TM2D2: variants seen among roughly 807,000 people sequenced by gnomAD.
The protein encoded by TM2D2 is TM2 domain-containing protein 2.
Under a neutral mutation model 23.0 loss-of-function variants are expected in TM2D2, and 19 were observed. The ratio of observed to expected loss-of-function variants is 0.82; its 90% CI spans 0.58 to 1.21. The LOEUF (loss-of-function observed/expected upper bound fraction) is 1.21, where lower values mean the gene tolerates loss of function less well. TM2D2 is among the 50% of genes most tolerant of loss of function. The pLI, the probability that TM2D2 is intolerant of heterozygous loss-of-function variation, is 0.00. For missense variants in TM2D2, 246 were observed against 265.4 expected (o/e 0.93, Z 0.51); for synonymous variants, 120 against 108.8 (o/e 1.10, Z -0.64).
chr8:38,991,547 TA>T lies in TM2D2; in HGVS notation c.432-3del. 6.2e-7 allele frequency: 1 copy of T among 1,604,074 alleles called. No individual in the cohort carries two copies. Among genetic ancestry groups the T allele is most frequent in the South Asian group, 1.1e-5 (1 of 90,828 alleles). On this transcript the variant is annotated splice_region_variant and splice_polypyrimidine_tract_variant and intron_variant, in intron 3 of 3. Coordinates refer to ENST00000456397, the MANE Select transcript of TM2D2 (RefSeq NM_078473.3). ...GTTATGAAGTAGTGTCCGGTATACC[TA>T]GGTGAAAGGAATGAAAAGGAAGATG...
In TM2D2 at chr8:38,991,119, C is replaced by T. The variant is rs1056536325; in HGVS notation, c.*213G>A. 1.0e-5 allele frequency: 6 copies of T among 589,930 alleles called. No homozygotes were observed. In the African/African-American group the frequency reaches 1.1e-4, roughly 11 times the overall value. 36.5% of individuals were successfully genotyped at this position (589,930 alleles called of 1,614,324 possible). A position where few individuals can be genotyped will look rare whatever the true frequency, so the allele number is the denominator to read the frequency against. On this transcript the variant is annotated 3_prime_UTR_variant, in exon 4 of 4. Transcript: ENST00000456397. The stretch of plus-strand genomic sequence containing the variant: ...CATGAGGAAAGGAACAAATTTGATT[C>T]CCCACAACACTTTTTGCTTGTCATT...
upstream of TM2D2, chr8:38,996,773 A>C: frequency 7.1e-7 from 1 of 1,417,230 alleles, no homozygotes; most frequent in East Asian, 2.6e-5. Context: ...GGCGGGGCGG[A>C]TATGACTGGC....
At chr8:38,996,847 T>G, upstream of TM2D2, 2 of 1,449,256 alleles carry the variant, frequency 1.4e-6, no homozygotes, top group Non-Finnish European at 1.8e-6. Context: ...GGGGACTGGA[T>G]TTTTCCCTAC....
chr8:38,991,256 G>A lies in TM2D2; in HGVS notation c.*76C>T, dbSNP rs1835589513. On this transcript the variant is annotated 3_prime_UTR_variant, in exon 4 of 4. Coordinates refer to ENST00000456397, the MANE Select transcript of TM2D2 (RefSeq NM_078473.3). ...TAACATCAGGTCTGATATCAAAGAG[G>A]AGTTTTGAGCCTGTAGAGATGAATT... 1.7e-6 allele frequency: 2 copies of A among 1,196,106 alleles called. No individual in the cohort carries two copies. Among genetic ancestry groups the A allele is most frequent in the Admixed American group, 2.1e-5 (1 of 48,730 alleles). 74.1% of individuals were successfully genotyped at this position (1,196,106 alleles called of 1,614,324 possible). A position where few individuals can be genotyped will look rare whatever the true frequency, so the allele number is the denominator to read the frequency against.
At chr8:38,994,355 C>G (rs766963999) in intron 2 of TM2D2, among the ~76,000 whole-genome samples, 2 of 152,022 alleles carry the variant, frequency 1.3e-5, no homozygotes, top group Admixed American at 1.3e-4. Context: ...TTTTCATTGG[C>G]GAGTTCCTCA....
At chr8:38,993,836 T>C (rs148885279) in intron 2 of TM2D2, 176 bp from the exon 3 acceptor site, 14 of 454,524 alleles carry the variant, frequency 3.1e-5, no homozygotes, top group Non-Finnish European at 4.8e-5. Context: ...TCTGAGTCCA[T>C]CTTAAAGGTA....
Position 38,995,412 on chromosome 8 carries a change from T to A in TM2D2, c.228-7A>T, listed in dbSNP as rs371069952. 4 of 1,612,434 alleles carry A rather than the reference T, an allele frequency of 2.5e-6. No individual in the cohort carries two copies. In the South Asian group the frequency reaches 3.3e-5, roughly 13 times the overall value. ...TTCTATAAATTCATCAGGTCTGTAA[T>A]TCACCAGTAAGATCATGATCATCAT... is the stretch of plus-strand genomic sequence containing the variant. On this transcript the variant is annotated splice_region_variant and splice_polypyrimidine_tract_variant and intron_variant, in intron 1 of 3. Transcript: ENST00000456397.
chr8:38,994,812 T>C (rs1317947864), intron 2 of TM2D2, among the ~76,000 whole-genome samples: 1 of 152,206 alleles, frequency 6.6e-6, no homozygotes, highest in Non-Finnish European at 1.5e-5. Context: ...TGGCTTCCGC[T>C]GGAACGCTTT....
chr8:38,995,429 GATC>G (rs1835734212), intron 1 of TM2D2, 24 bp from the exon 2 acceptor site: 4 of 1,611,936 alleles, frequency 2.5e-6, no homozygotes, highest in South Asian at 1.1e-5. Flanking sequence ...GTAAGATCAT[GATC>G]ATCATCATAC....
At position 38,993,566 on chromosome 8, in the gene TM2D2, C is replaced by T. The variant is rs755873194; in HGVS notation, c.410G>A (p.Arg137Gln). 6 of 1,613,070 alleles carry T rather than the reference C, an allele frequency of 3.7e-6. No homozygotes were observed. The highest frequency in any genetic ancestry group is 2.7e-5 in the African/African-American group (2 of 74,920). Reference protein sequence around the residue: ...IECASPRTFLRENKPCIKYTG... With the variant: ...IECASPRTFLQENKPCIKYTG... ...TTACTTTATACAAGGTTTATTTTCT[C>T]GTAGAAAGGTCCTAGGACTGGCACA... The change falls in exon 3 of 4, where the codon CGA (arginine) becomes CAA (glutamine). Residue 137 changes from arginine (R) to glutamine (Q), a missense_variant. By Grantham distance (43) the Arg-to-Gln change is conservative. Transcript: ENST00000456397.
Position 38,993,459 on chromosome 8 carries a change from A to G in TM2D2, c.431+86T>C, listed in dbSNP as rs562308362. 7.8e-6 allele frequency: 8 copies of G among 1,022,514 alleles called. No homozygotes were observed. The African/African-American group carries it at 1.3e-4, about 17-fold the overall frequency. 63.3% of individuals were successfully genotyped at this position (1,022,514 alleles called of 1,614,324 possible). The stretch of plus-strand genomic sequence containing the variant: ...TAACAGAGTGAGACCCTGTCTCTTA[A>G]AACAAAAAATAAATAAATAAAAAGA... On this transcript the variant is annotated intron_variant, in intron 3 of 3. Coordinates refer to ENST00000456397, the MANE Select transcript of TM2D2 (RefSeq NM_078473.3).
intron 1 of TM2D2, chr8:38,995,669 T>C (rs927857639): frequency 6.7e-6 from 9 of 1,348,902 alleles, no homozygotes; most frequent in Non-Finnish European, 8.6e-6. Flanking sequence ...TGGTTTCATC[T>C]CTTCAGTAGG....
rs374902721 is a variant in TM2D2, at chr8:38,996,310, G to C, written c.130C>G (p.Leu44Val). The change falls in exon 1 of 4, where the codon CTC becomes GTC. Residue 44 changes from leucine (L) to valine (V), a missense_variant. Around this residue, in one of 2 missense-constraint regions of TM2D2, gnomAD observed 212 missense variants for 202.2 expected, o/e 1.05. Coordinates refer to ENST00000456397, the MANE Select transcript of TM2D2 (RefSeq NM_078473.3). The part of the protein sequence containing the change: ...HSQNATAEPE[L>V]TSAGAAQPEG... ...GGCTGGGCGGCGCCAGCGGATGTGA[G>C]CTCAGGCTCAGCGGTCGCATTTTGC... 2 of 1,614,148 alleles carry C rather than the reference G, an allele frequency of 1.2e-6. No homozygotes were observed. The highest frequency in any genetic ancestry group is 2.2e-5 in the South Asian group (2 of 91,084).
chr8:38,994,480 CAG>C lies in TM2D2; in HGVS notation c.316-822_316-821del, dbSNP rs1835696370. ...TCAAACTTTAATCAATAATTATCAA[CAG>C]AGTAAAATTTCATTGTCTTAAATAT... On this transcript the variant is annotated intron_variant, in intron 2 of 3. Transcript: ENST00000456397. Among the ~76,000 whole-genome samples the C allele has an allele frequency of 2.6e-5, 4 of 152,318 alleles. No individual in the cohort carries two copies. The South Asian group carries it at 8.3e-4, about 32-fold the overall frequency.
intron 3 of TM2D2, among the ~76,000 whole-genome samples, chr8:38,992,441 G>A (rs1835630770): frequency 6.8e-6 from 1 of 147,880 alleles, no homozygotes; most frequent in Admixed American, 6.8e-5. Context: ...TTGTCTGTTT[G>A]TGCCATTACA....
chr8:38,996,517 C>T (rs1419488645), upstream of TM2D2: 6 of 1,571,230 alleles, frequency 3.8e-6, no homozygotes, highest in South Asian at 1.1e-5. Context: ...ACTGCGTGGT[C>T]AGGCCTTTCC....
chr8:38,993,760 A>C, intron 2 of TM2D2, 100 bp from the exon 3 acceptor site: 2 of 803,190 alleles, frequency 2.5e-6, no homozygotes, highest in Non-Finnish European at 4.0e-6. Flanking sequence ...CGGCCTCAGG[A>C]CTACAATTAT....
chr8:38,989,742 A>G lies in TM2D2; in HGVS notation c.*1590T>C, dbSNP rs1835549257. 2 of 152,202 alleles carry G rather than the reference A, an allele frequency of 1.3e-5. No individual in the cohort carries two copies. Among genetic ancestry groups the G allele is most frequent in the South Asian group, 2.1e-4 (1 of 4,830 alleles). The allele number at this position is 152,202 out of a possible 1,614,324, so 9.4% of individuals were successfully genotyped here. A position where few individuals can be genotyped will look rare whatever the true frequency, so the allele number is the denominator to read the frequency against. ...AAAGTAGCATCTTATTTTGGGTAAT[A>G]TTATAATTTATGTTTTTTAGACTTC... On this transcript the variant is annotated 3_prime_UTR_variant, in exon 4 of 4. Coordinates refer to ENST00000456397, the MANE Select transcript of TM2D2 (RefSeq NM_078473.3).
At chr8:38,994,143 A>G (rs1835687148) in intron 2 of TM2D2, 1 of 152,220 alleles carries the variant, frequency 6.6e-6, no homozygotes, top group Admixed American at 6.5e-5. Flanking sequence ...TAGAATTAGG[A>G]AAGAACTCAG....
Sources: allele counts gnomAD v4.1 joint callset (sites outside exome capture counted in the v4.1 genomes callset), GRCh38; gene constraint gnomAD v4.1.1; regional missense constraint gnomAD v4.1.1; transcripts MANE v1.5; gene names NCBI Gene and HGNC (gene_info 2026-07-23, HGNC 2026-07-21).